Variants in NSUN6 observed in about 807,000 individuals in gnomAD.
The protein encoded by NSUN6 is tRNA (cytosine(72)-C(5))-methyltransferase NSUN6.
In NSUN6, 64 loss-of-function variants were observed where a neutral mutation model predicts 58.0. The ratio of observed to expected loss-of-function variants is 1.10; its 90% CI spans 0.90 to 1.36. The LOEUF is 1.36. Among genes scored for constraint, NSUN6 ranks in the 40% most tolerant of loss-of-function variants. NSUN6 has a pLI of 0.00. For missense variants in NSUN6, 701 were observed against 550.1 expected (o/e 1.27, Z -2.74); for synonymous variants, 231 against 193.9 (o/e 1.19, Z -1.59).
intron 8 of NSUN6, among the ~76,000 whole-genome samples, chr10:18,560,772 G>A (rs1258914756): frequency 6.7e-6 from 1 of 149,234 alleles, no homozygotes; most frequent in African/African-American, 2.5e-5. Context: ...ATGGAATGGA[G>A]ATGGAATAGA....
intron 3 of NSUN6, among the ~76,000 whole-genome samples, chr10:18,623,553 G>C (rs763819972): frequency 1.2e-4 from 18 of 152,270 alleles, no homozygotes; most frequent in Non-Finnish European, 2.4e-4. Context: ...CACAGGCTTA[G>C]TGGAAAAGAA....
intron 3 of NSUN6, among the ~76,000 whole-genome samples, chr10:18,627,895 T>A (rs974002971): frequency 1.3e-5 from 2 of 152,222 alleles, no homozygotes; most frequent in East Asian, 3.9e-4. Context: ...TCCAACTGGG[T>A]GGAGCCCACC....
upstream of NSUN6, chr10:18,652,526 A>G: frequency 2.0e-6 from 2 of 983,112 alleles, no homozygotes; most frequent in Non-Finnish European, 2.4e-6. Context: ...AATGACCATT[A>G]TACCACACAA....
At position 18,581,523 on chromosome 10, in the gene NSUN6, T is replaced by C. The variant is rs187430267; in HGVS notation, c.922+4426A>G. On this transcript the variant is annotated intron_variant, in intron 8 of 10. Transcript: ENST00000377304. ...CCTTGTTTAGCATATACTCAAGAAA[T>C]AGCCATAAAAATGGGCAAACAAGCC... Among the ~76,000 whole-genome samples the C allele has an allele frequency of 5.7e-3, 863 of 152,078 alleles. 26 individuals are homozygous for C. The highest frequency in any genetic ancestry group is 0.052 in the Admixed American group (793 of 15,288).
chr10:18,554,964 A>G (rs1034612297), intron 8 of NSUN6, among the ~76,000 whole-genome samples: 37 of 148,530 alleles, frequency 2.5e-4, no homozygotes, highest in Non-Finnish European at 2.7e-4. Context: ...TGAAATGGAG[A>G]ATGGAATGGA....
At chr10:18,620,006 T>G (rs1024181378) in intron 3 of NSUN6, among the ~76,000 whole-genome samples, 1 of 152,188 alleles carries the variant, frequency 6.6e-6, no homozygotes. Context: ...AAGTTACTAA[T>G]GGGTCATGAT....
intron 9 of NSUN6, among the ~76,000 whole-genome samples, chr10:18,548,843 C>G (rs2054440296): frequency 6.6e-6 from 1 of 152,180 alleles, no homozygotes; most frequent in Non-Finnish European, 1.5e-5. Flanking sequence ...TCCAGAATCT[C>G]AGGTCCCAAA....
At chr10:18,654,941 A>C (rs1186414076), upstream of NSUN6, 12 of 264,782 alleles carry the variant, frequency 4.5e-5, no homozygotes. Flanking sequence ...AATTTAGTTA[A>C]GAATACTGCC....
At chr10:18,555,199 T>C (rs1455240031) in intron 8 of NSUN6, among the ~76,000 whole-genome samples, 1 of 148,306 alleles carries the variant, frequency 6.7e-6, no homozygotes, top group African/African-American at 2.5e-5. Context: ...GAGAATGGAA[T>C]GGAATATGGA....
At chr10:18,655,413 A>G (rs369756521), upstream of NSUN6, among the ~76,000 whole-genome samples, 8 of 152,222 alleles carry the variant, frequency 5.3e-5, no homozygotes, top group East Asian at 3.8e-4. Context: ...TAAACCAAAC[A>G]AATTAGGTAG....
rs765174906 is a variant in NSUN6, at chr10:18,552,020, A to C, written c.923-49T>G. ...TTTACTATCTTCCATATAGGTTTAA[A>C]CTAGAAAACTCCTGAGATGAGCAGG... is the stretch of plus-strand genomic sequence containing the variant. On this transcript the variant is annotated intron_variant, in intron 8 of 10. Transcript: ENST00000377304. 2.7e-6 allele frequency: 3 copies of C among 1,114,576 alleles called. No individual in the cohort carries two copies. In the East Asian group the frequency reaches 7.3e-5, roughly 27 times the overall value. 69.0% of individuals were successfully genotyped at this position (1,114,576 alleles called of 1,614,324 possible).
chr10:18,624,079 C>G (rs527261960), intron 3 of NSUN6, among the ~76,000 whole-genome samples: 4 of 151,562 alleles, frequency 2.6e-5, no homozygotes, highest in Admixed American at 2.6e-4. Context: ...AAATGTAAAC[C>G]AAACAAAAGG....
intron 6 of NSUN6, among the ~76,000 whole-genome samples, chr10:18,602,960 A>T (rs2057905329): frequency 6.6e-6 from 1 of 152,218 alleles, no homozygotes; most frequent in Admixed American, 6.5e-5. Flanking sequence ...ACCAAAATAT[A>T]CAACCTCTAC....
Position 18,614,625 on chromosome 10 carries a change from A to T in NSUN6, c.422-12T>A, listed in dbSNP as rs1416329788. ...TCCAGCTTTCATAACTAGAGAAAGA[A>T]GAAAATCAGATTACACTGATTTATA... On this transcript the variant is annotated splice_polypyrimidine_tract_variant and intron_variant, in intron 4 of 10. Transcript: ENST00000377304. 7.6e-7 allele frequency: 1 copy of T among 1,311,434 alleles called. No individual in the cohort carries two copies. Among genetic ancestry groups the T allele is most frequent in the Admixed American group, 2.8e-5 (1 of 36,170 alleles). The allele number at this position is 1,311,434 out of a possible 1,614,324, so 81.2% of individuals were successfully genotyped here.
intron 9 of NSUN6, among the ~76,000 whole-genome samples, chr10:18,551,451 T>C (rs938212027): frequency 6.6e-6 from 1 of 152,142 alleles, no homozygotes; most frequent in African/African-American, 2.4e-5. Context: ...CAATAGCTCC[T>C]CAATCTCCCA....
At chr10:18,576,237 G>A (rs939956951) in intron 8 of NSUN6, among the ~76,000 whole-genome samples, 2 of 151,932 alleles carry the variant, frequency 1.3e-5, no homozygotes, top group African/African-American at 2.4e-5. Context: ...TCAAACTACT[G>A]CATTTGATGC....
intron 7 of NSUN6, 108 bp downstream of exon 7, chr10:18,596,100 G>A: frequency 1.2e-6 from 1 of 853,072 alleles, no homozygotes; most frequent in South Asian, 1.7e-5. Context: ...TTTTCATTTT[G>A]GCTGAATCTG....
At chr10:18,601,709 C>T (rs750756619) in intron 6 of NSUN6, among the ~76,000 whole-genome samples, 4 of 152,066 alleles carry the variant, frequency 2.6e-5, no homozygotes, top group Non-Finnish European at 4.4e-5. Flanking sequence ...AAGGCTGGGT[C>T]TGGTGGCTCA....
At chr10:18,651,640 C>T (rs2059709737), upstream of NSUN6, 56 of 986,158 alleles carry the variant, frequency 5.7e-5, no homozygotes, top group Non-Finnish European at 6.7e-5. Flanking sequence ...TTCCGGCTTA[C>T]GTCACGTCCG....
Sources: allele counts gnomAD v4.1 joint callset (sites outside exome capture counted in the v4.1 genomes callset), GRCh38; gene constraint gnomAD v4.1.1; transcripts MANE v1.5; gene names NCBI Gene and HGNC (gene_info 2026-07-23, HGNC 2026-07-21).